The following EFHC2 variants were observed in gnomAD, a reference collection of about 807,000 sequenced individuals.
EFHC2 encodes EF-hand domain-containing family member C2.
A neutral mutation model predicts 52.7 loss-of-function variants in EFHC2; 18 were observed. That is an observed-to-expected ratio of 0.34 (90% confidence interval 0.24 to 0.51). The LOEUF (loss-of-function observed/expected upper bound fraction) is 0.51. Ranked by LOEUF, EFHC2 falls within the 20% of genes least tolerant of loss-of-function variation. The probability of loss-of-function intolerance (pLI) is 0.97; values close to 1 mark genes in which losing one functional copy is unlikely to be tolerated. For synonymous variants in EFHC2, 203 were observed against 204.1 expected (o/e 0.99, Z 0.04); for missense variants, 513 against 562.5 (o/e 0.91, Z 0.89).
At chrX:44,166,531 G>A (rs1165556717) in intron 13 of EFHC2, among the ~76,000 whole-genome samples, 1 of 111,356 alleles carries the variant, frequency 9.0e-6, no homozygotes, top group Admixed American at 9.6e-5. Flanking sequence ...TAGTCCATTT[G>A]AAGATATAAA....
chrX:44,334,175 T>C (rs1363696006), intron 1 of EFHC2, among the ~76,000 whole-genome samples: 1 of 112,068 alleles, frequency 8.9e-6, no homozygotes, highest in Non-Finnish European at 1.9e-5. Flanking sequence ...CAGTACAGAA[T>C]GCATGGTGAC....
chrX:44,178,129 T>TCA (rs201977577), intron 12 of EFHC2, among the ~76,000 whole-genome samples: 6,563 of 83,856 alleles, frequency 0.078, 284 homozygotes, highest in Middle Eastern at 0.11. Flanking sequence ...AGATGCCATA[T>TCA]CACACACACA....
chrX:44,322,540 G>A (rs1198512643), intron 1 of EFHC2, among the ~76,000 whole-genome samples: 1 of 111,912 alleles, frequency 8.9e-6, no homozygotes, highest in Non-Finnish European at 1.9e-5. Flanking sequence ...CCTGGCATCA[G>A]AAGCCTGGCA....
chrX:44,310,661 AG>A (rs781510155), intron 2 of EFHC2, among the ~76,000 whole-genome samples: 1 of 112,268 alleles, frequency 8.9e-6, no homozygotes, highest in East Asian at 2.8e-4. Context: ...TGTAGTTCAC[AG>A]TCTCATCAGA....
chrX:44,330,884 C>A (rs148748735), intron 1 of EFHC2, among the ~76,000 whole-genome samples: 109 of 111,948 alleles, frequency 9.7e-4, no homozygotes, highest in African/African-American at 3.2e-3. Context: ...AGTGATAACA[C>A]TAAATGCGGA....
intron 14 of EFHC2, among the ~76,000 whole-genome samples, chrX:44,161,202 A>T (rs183125564): frequency 8.9e-6 from 1 of 112,237 alleles, no homozygotes; most frequent in Non-Finnish European, 1.9e-5. Flanking sequence ...CTTATAGCAA[A>T]AATAGGTATG....
At chrX:44,252,240 G>C (rs942455931) in intron 4 of EFHC2, among the ~76,000 whole-genome samples, 2 of 111,719 alleles carry the variant, frequency 1.8e-5, no homozygotes, top group Non-Finnish European at 3.8e-5. Flanking sequence ...TCGCAGCCCT[G>C]TCGTGGAGTT....
chrX:44,166,263 G>A (rs1446689026), intron 13 of EFHC2, among the ~76,000 whole-genome samples: 1 of 111,333 alleles, frequency 9.0e-6, no homozygotes, highest in Non-Finnish European at 1.9e-5. Flanking sequence ...GCAGTGAGGA[G>A]TGGCCAATTC....
At chrX:44,306,578 T>A (rs1302373816) in intron 2 of EFHC2, among the ~76,000 whole-genome samples, 1 of 111,960 alleles carries the variant, frequency 8.9e-6, no homozygotes, top group East Asian at 2.8e-4. Context: ...AAGGGTAGAA[T>A]GCATAAAGGA....
intron 1 of EFHC2, among the ~76,000 whole-genome samples, chrX:44,331,822 G>T (rs1204428646): frequency 9.0e-6 from 1 of 110,947 alleles, no homozygotes; most frequent in African/African-American, 3.3e-5. Flanking sequence ...TACTCAAGGG[G>T]CTGAGGTGGG....
chrX:44,176,957 C>T (rs1259521512), intron 12 of EFHC2, among the ~76,000 whole-genome samples: 1 of 112,438 alleles, frequency 8.9e-6, no homozygotes, highest in Non-Finnish European at 1.9e-5. Flanking sequence ...GTCCAATGTT[C>T]TCATTCAGCC....
intron 1 of EFHC2, among the ~76,000 whole-genome samples, chrX:44,342,748 C>T (rs1422821047): frequency 9.2e-6 from 1 of 108,740 alleles, no homozygotes; most frequent in Non-Finnish European, 1.9e-5. Flanking sequence ...TGGTGGCGGG[C>T]GCCTGTAATC....
chrX:44,161,265 G>A (rs964305672), intron 14 of EFHC2, among the ~76,000 whole-genome samples: 6 of 111,833 alleles, frequency 5.4e-5, no homozygotes, highest in African/African-American at 2.0e-4. Context: ...TACAAACTGT[G>A]GAAATCGAGA....
chrX:44,210,228 G>A (rs1276011512), intron 11 of EFHC2, among the ~76,000 whole-genome samples: 1 of 111,402 alleles, frequency 9.0e-6, no homozygotes, highest in Non-Finnish European at 1.9e-5. Context: ...GACATACCAC[G>A]TTCATTAGTC....
At chrX:44,168,705 T>A (rs1013141195) in intron 13 of EFHC2, among the ~76,000 whole-genome samples, 3 of 110,582 alleles carry the variant, frequency 2.7e-5, no homozygotes, top group Non-Finnish European at 5.7e-5. Flanking sequence ...GGCGGTCAGG[T>A]GCCTTCCTTC....
intron 11 of EFHC2, among the ~76,000 whole-genome samples, chrX:44,209,919 C>T (rs1350734003): frequency 9.1e-6 from 1 of 110,408 alleles, no homozygotes; most frequent in Non-Finnish European, 1.9e-5. Context: ...GAATCCAATG[C>T]CTGATGATTT....
intron 4 of EFHC2, among the ~76,000 whole-genome samples, chrX:44,257,940 T>A (rs964394694): frequency 3.6e-5 from 4 of 111,606 alleles, no homozygotes; most frequent in African/African-American, 1.3e-4. Flanking sequence ...AACAGAGATA[T>A]AGACCAATGG....
At chrX:44,242,493 T>C (rs1245614403) in intron 7 of EFHC2, among the ~76,000 whole-genome samples, 2 of 108,576 alleles carry the variant, frequency 1.8e-5, no homozygotes, top group Non-Finnish European at 3.8e-5. Flanking sequence ...ATAATCACCA[T>C]TGGTTCAAAA....
chrX:44,329,437 C>G (rs1332580505), intron 1 of EFHC2, among the ~76,000 whole-genome samples: 1 of 111,274 alleles, frequency 9.0e-6, no homozygotes, highest in Non-Finnish European at 1.9e-5. Flanking sequence ...AAAAGACAAC[C>G]CACACGAATA....
Sources: allele counts gnomAD v4.1 joint callset (sites outside exome capture counted in the v4.1 genomes callset), GRCh38; gene constraint gnomAD v4.1.1; transcripts MANE v1.5; gene names NCBI Gene and HGNC (gene_info 2026-07-23, HGNC 2026-07-21).